The following ROR2 variants were observed in gnomAD, a reference collection of about 807,000 sequenced individuals.
ROR2 encodes the protein ROR family WNT receptor 2.
ROR2 carries 33 observed loss-of-function variants against 74.9 expected under a neutral mutation model. The observed-to-expected ratio is 0.44, with a 90% CI of 0.33 to 0.59. The LOEUF (loss-of-function observed/expected upper bound fraction) is 0.59. ROR2 is among the 20% of genes least tolerant of loss of function. ROR2 has a pLI of 0.02. For synonymous variants in ROR2, 586 were observed against 558.7 expected, an observed-to-expected ratio of 1.05 and a Z score of -0.69; for missense variants, 1,216 against 1,313.8, an observed-to-expected ratio of 0.93 and a Z score of 1.15.
chr9:91,781,062 G>A (rs1343386951), intron 1 of ROR2, among the ~76,000 whole-genome samples: 2 of 152,324 alleles, frequency 1.3e-5, no homozygotes, highest in Non-Finnish European at 2.9e-5. Context: ...TTACTGTGAT[G>A]CAATTAGATG....
At chr9:91,847,602 G>A (rs73651581) in intron 1 of ROR2, among the ~76,000 whole-genome samples, 18,215 of 151,882 alleles carry the variant, frequency 0.12, 2,427 homozygotes, top group African/African-American at 0.33. Context: ...CCAGGCAGGC[G>A]GGACCCAACT....
At chr9:91,836,277 C>T (rs1042785792) in intron 1 of ROR2, among the ~76,000 whole-genome samples, 1 of 152,152 alleles carries the variant, frequency 6.6e-6, no homozygotes, top group Admixed American at 6.5e-5. Flanking sequence ...TCATGGTTCA[C>T]GCCTGTAATC....
chr9:91,802,648 C>A (rs1197530643), intron 1 of ROR2, among the ~76,000 whole-genome samples: 1 of 151,984 alleles, frequency 6.6e-6, no homozygotes, highest in Non-Finnish European at 1.5e-5. Flanking sequence ...GCTTACAAAA[C>A]TCCAGTTTCA....
At chr9:91,758,357 G>A (rs1825822403) in intron 2 of ROR2, among the ~76,000 whole-genome samples, 1 of 152,142 alleles carries the variant, frequency 6.6e-6, no homozygotes, top group Non-Finnish European at 1.5e-5. Flanking sequence ...TGGTCAAAAT[G>A]ATGTAAATTC....
intron 1 of ROR2, among the ~76,000 whole-genome samples, chr9:91,859,424 T>C (rs1369804191): frequency 6.6e-6 from 1 of 151,992 alleles, no homozygotes; most frequent in Non-Finnish European, 1.5e-5. Flanking sequence ...GTCTCGAAAG[T>C]ATTTCTCTTG....
chr9:91,733,031 T>C lies in ROR2; in HGVS notation c.937+91A>G, dbSNP rs1587665484. 1 of 1,286,924 alleles carries C rather than the reference T, an allele frequency of 7.8e-7. No individual in the cohort carries two copies. The highest frequency in any genetic ancestry group is 1.1e-6 in the Non-Finnish European group (1 of 933,990). 79.7% of individuals were successfully genotyped at this position (1,286,924 alleles called of 1,614,324 possible). On this transcript the variant is annotated intron_variant, in intron 6 of 8. Transcript: ENST00000375708. The surrounding 1 kb of genome is among the most constrained non-coding windows in gnomAD (Gnocchi z 5.7). ...TCTGTGGGGCCTGGACAGATGGGGC[T>C]CCCTGGGCTTCACCGACACCCCCAT...
chr9:91,733,193 A>G lies in ROR2; in HGVS notation c.866T>C (p.Leu289Pro). 6.2e-7 allele frequency: 1 copy of G among 1,610,740 alleles called. No individual in the cohort carries two copies. The highest frequency in any genetic ancestry group is 8.5e-7 in the Non-Finnish European group (1 of 1,179,178). ...MRLQLPKCEA[L>P]PMPESPDAAN... ...AGCGTCGGGGCTCTCAGGCATGGGC[A>G]GCGCCTCACACTTGGGCAGCTGAAG... The change falls in exon 6 of 9, where the codon CTG becomes CCG. Residue 289 changes from leucine to proline, a missense_variant. Physicochemically the swap from Leu to Pro is moderately conservative, Grantham distance 98. Coordinates refer to ENST00000375708, the MANE Select transcript of ROR2 (RefSeq NM_004560.4). This position sits in a 1 kb window ranked among gnomAD's most constrained non-coding sequence, Gnocchi z 5.7.
At chr9:91,884,735 C>A (rs1321819603) in intron 1 of ROR2, among the ~76,000 whole-genome samples, 3 of 152,012 alleles carry the variant, frequency 2.0e-5, no homozygotes, top group Non-Finnish European at 4.4e-5. Context: ...ATCCACAGAC[C>A]ATAACATGTC....
rs73517016 is a variant in ROR2 at position 91,842,966 on chromosome 9, G to A, written c.98-67148C>T. 2.9e-3 allele frequency among the ~76,000 whole-genome samples: 440 copies of A among 152,352 alleles called. 3 individuals carry two copies. Among genetic ancestry groups the A allele is most frequent in the African/African-American group, 0.01 (420 of 41,584 alleles). ...GAGAGCTGCCTAAACACCCTTGCAC[G>A]TGAGCCCCTCAGATGGGGCACTCTG... On this transcript the variant is annotated intron_variant, in intron 1 of 8. Coordinates refer to ENST00000375708, the MANE Select transcript of ROR2 (RefSeq NM_004560.4).
intron 1 of ROR2, among the ~76,000 whole-genome samples, chr9:91,941,162 T>C (rs1831852393): frequency 6.6e-6 from 1 of 151,676 alleles, no homozygotes; most frequent in Non-Finnish European, 1.5e-5. Flanking sequence ...CGTGCCCAGC[T>C]AATTTTTTGT....
chr9:91,724,544 C>A lies in ROR2; in HGVS notation c.1950G>T (p.Gly650=), dbSNP rs140655378. 1.9e-6 allele frequency: 3 copies of A among 1,614,080 alleles called. No individual in the cohort carries two copies. The African/African-American group carries it at 4.0e-5, about 22-fold the overall frequency. ...TCCAGCGGATAGGCAGCAGCGAGTT[C>A]CCCAGCAGCTTGTAGTAATCGGCGG... ...VYAADYYKLL[G]NSLLPIRWMA... The change falls in exon 9 of 9, where the codon GGG becomes GGT. Residue 650 remains glycine, a synonymous_variant. Transcript: ENST00000375708.
At chr9:91,740,757 T>C (rs960165672) in intron 4 of ROR2, among the ~76,000 whole-genome samples, 28 of 151,388 alleles carry the variant, frequency 1.8e-4, no homozygotes, top group African/African-American at 4.6e-4. Context: ...CTGGAGAGAG[T>C]CTGTTAAGTG....
intron 1 of ROR2, among the ~76,000 whole-genome samples, chr9:91,804,225 C>A (rs1383744029): frequency 6.6e-6 from 1 of 152,236 alleles, no homozygotes; most frequent in Non-Finnish European, 1.5e-5. Flanking sequence ...GCAGGAATGG[C>A]AGGCTCAGGA....
At chr9:91,763,424 G>A (rs1471088579) in intron 2 of ROR2, among the ~76,000 whole-genome samples, 1 of 152,206 alleles carries the variant, frequency 6.6e-6, no homozygotes, top group Non-Finnish European at 1.5e-5. Context: ...GAAACAATTT[G>A]TACTTCACTA....
chr9:91,879,531 C>T (rs943893751), intron 1 of ROR2, among the ~76,000 whole-genome samples: 1 of 151,770 alleles, frequency 6.6e-6, no homozygotes, highest in Non-Finnish European at 1.5e-5. Flanking sequence ...CCACCCATGT[C>T]CCCCACTGCA....
intron 1 of ROR2, among the ~76,000 whole-genome samples, chr9:91,806,624 C>G (rs777998751): frequency 1.2e-4 from 19 of 152,206 alleles, no homozygotes; most frequent in Non-Finnish European, 2.5e-4. Flanking sequence ...GAGTCTCGCT[C>G]TGTCGCCCAG....
intron 1 of ROR2, among the ~76,000 whole-genome samples, chr9:91,943,844 A>G (rs1053177547): frequency 2.0e-5 from 3 of 152,194 alleles, no homozygotes; most frequent in African/African-American, 7.2e-5. Context: ...AGCATGTTCT[A>G]AAAGTCAAAA....
chr9:91,849,755 C>T (rs1057456342), intron 1 of ROR2, among the ~76,000 whole-genome samples: 1 of 152,226 alleles, frequency 6.6e-6, no homozygotes, highest in East Asian at 1.9e-4. Flanking sequence ...TTCAACCTCC[C>T]CAGATAGAAC....
At chr9:91,912,608 A>C (rs1831023710) in intron 1 of ROR2, among the ~76,000 whole-genome samples, 1 of 152,222 alleles carries the variant, frequency 6.6e-6, no homozygotes, top group African/African-American at 2.4e-5. Context: ...TCAAAGCAAA[A>C]ATCTCCATAT....
Sources: gnomAD v4.1 joint callset for allele counts (sites outside exome capture counted in the v4.1 genomes callset) on GRCh38, gnomAD v4.1.1 for gene constraint, Gnocchi (gnomAD v3.1) non-coding constraint, MANE v1.5 for transcripts, NCBI Gene and HGNC (gene_info 2026-07-23, HGNC 2026-07-21) for gene names.